Variants in MACROD2 observed in about 807,000 individuals in gnomAD.
MACROD2 encodes mono-ADP ribosylhydrolase 2.
MACROD2 carries 36 observed loss-of-function variants against 70.4 expected under a neutral mutation model. The ratio of observed to expected loss-of-function variants is 0.51; its 90% CI spans 0.39 to 0.68. MACROD2 has a LOEUF of 0.68. MACROD2 is among the 30% of genes least tolerant of loss of function. The probability of loss-of-function intolerance (pLI) is 0.00; values close to 1 mark genes in which losing one functional copy is unlikely to be tolerated. For missense variants in MACROD2, 496 were observed against 538.4 expected (o/e 0.92, Z 0.78); for synonymous variants, 172 against 178.8 (o/e 0.96, Z 0.30).
At chr20:14,874,903 C>T (rs1373113974) in intron 5 of MACROD2, among the ~76,000 whole-genome samples, 1 of 151,268 alleles carries the variant, frequency 6.6e-6, no homozygotes, top group Non-Finnish European at 1.5e-5. Context: ...CAGGGTTTCA[C>T]CATGTTGACC....
chr20:15,831,799 G>T (rs577734290), intron 8 of MACROD2, among the ~76,000 whole-genome samples: 1 of 152,272 alleles, frequency 6.6e-6, no homozygotes, highest in East Asian at 1.9e-4. Context: ...TCAGGTGCTG[G>T]ATAGCAAAGC....
intron 2 of MACROD2, chr20:14,051,689 G>A: frequency 2.9e-6 from 1 of 347,886 alleles, no homozygotes; most frequent in Non-Finnish European, 5.6e-6. Context: ...ATGGTAAAGA[G>A]AAAAAACAAA....
intron 3 of MACROD2, among the ~76,000 whole-genome samples, chr20:14,279,445 T>C (rs2082286424): frequency 9.5e-6 from 1 of 104,832 alleles, no homozygotes; most frequent in African/African-American, 2.8e-5. Flanking sequence ...CTTAAGTTGA[T>C]TTTTTTTTCT....
intron 5 of MACROD2, among the ~76,000 whole-genome samples, chr20:15,195,790 T>C (rs1328192996): frequency 6.6e-6 from 1 of 152,184 alleles, no homozygotes; most frequent in Admixed American, 6.5e-5. Context: ...CATATGTTCA[T>C]TGCATCACTA....
At chr20:15,401,214 A>T (rs775661138) in intron 6 of MACROD2, among the ~76,000 whole-genome samples, 48 of 151,846 alleles carry the variant, frequency 3.2e-4, no homozygotes, top group South Asian at 6.2e-4. Flanking sequence ...ATTTTTTTGT[A>T]TTTTTAGTGG....
chr20:14,015,399 T>C (rs1344672545), intron 2 of MACROD2, among the ~76,000 whole-genome samples: 3 of 152,046 alleles, frequency 2.0e-5, no homozygotes, highest in African/African-American at 4.8e-5. Context: ...CTTGGCAACA[T>C]AGTGAGACTT....
intron 5 of MACROD2, among the ~76,000 whole-genome samples, chr20:15,021,025 C>T (rs1430492409): frequency 1.4e-5 from 2 of 145,208 alleles, no homozygotes; most frequent in Admixed American, 1.4e-4. Flanking sequence ...TATGTATACA[C>T]ATGTGCATAT....
At chr20:15,444,677 G>A (rs1404640955) in intron 7 of MACROD2, among the ~76,000 whole-genome samples, 1 of 152,088 alleles carries the variant, frequency 6.6e-6, no homozygotes, top group Non-Finnish European at 1.5e-5. Context: ...TTCAGGCTCC[G>A]ATAGATCTAG....
At chr20:14,549,417 A>C (rs1041828832) in intron 4 of MACROD2, among the ~76,000 whole-genome samples, 1 of 152,214 alleles carries the variant, frequency 6.6e-6, no homozygotes, top group Non-Finnish European at 1.5e-5. Flanking sequence ...TGTGTTTTGT[A>C]AACTGTTCTT....
rs566615641 is a variant in MACROD2, at chr20:15,446,489, A to G, written c.571+15054A>G. The stretch of plus-strand genomic sequence containing the variant: ...CATTACTCACTAGTTAAGTAATTTT[A>G]TGGCCCTCCCCCAATAAATCTTGTA... On this transcript the variant is annotated intron_variant, in intron 7 of 17. Transcript: ENST00000684519. 7.2e-5 allele frequency among the ~76,000 whole-genome samples: 11 copies of G among 152,336 alleles called. No individual in the cohort carries two copies. In the East Asian group the frequency reaches 1.2e-3, roughly 16 times the overall value.
At chr20:16,020,058 C>T (rs2147550238) in intron 15 of MACROD2, among the ~76,000 whole-genome samples, 1 of 152,286 alleles carries the variant, frequency 6.6e-6, no homozygotes, top group East Asian at 1.9e-4. Context: ...ATTCATTCAC[C>T]TCAGCTAATC....
chr20:15,490,454 T>A (rs1200944147), intron 7 of MACROD2, among the ~76,000 whole-genome samples: 2 of 151,914 alleles, frequency 1.3e-5, no homozygotes, highest in Non-Finnish European at 2.9e-5. Context: ...AGAGATAAGA[T>A]CTCTCTATGT....
At chr20:15,484,858 C>T (rs1456385995) in intron 7 of MACROD2, among the ~76,000 whole-genome samples, 3 of 152,114 alleles carry the variant, frequency 2.0e-5, no homozygotes, top group African/African-American at 4.8e-5. Flanking sequence ...CTCCAGTACT[C>T]GTTCCTGCGG....
rs141979499 is a variant in MACROD2 at position 15,476,079 on chromosome 20, A to G, written c.572-23695A>G. The stretch of plus-strand genomic sequence containing the variant: ...TCAAGCAAAATGTTTGAGGCCAAAT[A>G]CATCTTTTATTAAGTTGTAATACAA... On this transcript the variant is annotated intron_variant, in intron 7 of 17. Coordinates refer to ENST00000684519, the MANE Select transcript of MACROD2 (RefSeq NM_001351661.2). Among the ~76,000 whole-genome samples, 566 of 152,364 alleles carry G rather than the reference A, an allele frequency of 3.7e-3. 2 individuals carry two copies. Among genetic ancestry groups the G allele is most frequent in the South Asian group, 0.019 (92 of 4,830 alleles).
intron 10 of MACROD2, among the ~76,000 whole-genome samples, chr20:15,921,690 G>A (rs568709209): frequency 7.2e-5 from 11 of 152,288 alleles, no homozygotes; most frequent in African/African-American, 1.9e-4. Flanking sequence ...CTATATTTGC[G>A]TAATTATTTG....
chr20:16,045,823 G>A (rs2067372335), intron 17 of MACROD2, among the ~76,000 whole-genome samples: 2 of 151,962 alleles, frequency 1.3e-5, no homozygotes, highest in Admixed American at 1.3e-4. Context: ...ACTGGACGGG[G>A]GCAGCGGGGA....
intron 8 of MACROD2, among the ~76,000 whole-genome samples, chr20:15,677,993 A>G (rs2050091889): frequency 1.3e-5 from 2 of 152,106 alleles, no homozygotes; most frequent in Non-Finnish European, 2.9e-5. Context: ...TGAACCCAGG[A>G]GGTGGAGGTT....
intron 8 of MACROD2, among the ~76,000 whole-genome samples, chr20:15,773,404 C>G (rs7272044): frequency 0.073 from 11,098 of 151,984 alleles, 714 homozygotes; most frequent in African/African-American, 0.17. Context: ...TCAGCTATGT[C>G]ATTTGGGGCT....
chr20:14,716,049 T>G (rs2071393680), intron 5 of MACROD2, among the ~76,000 whole-genome samples: 1 of 152,184 alleles, frequency 6.6e-6, no homozygotes, highest in Admixed American at 6.5e-5. Context: ...GAACGCTACA[T>G]ATTCATGCAA....
Sources: gnomAD v4.1 joint callset for allele counts (sites outside exome capture counted in the v4.1 genomes callset) on GRCh38, gnomAD v4.1.1 for gene constraint, MANE v1.5 for transcripts, NCBI Gene and HGNC (gene_info 2026-07-23, HGNC 2026-07-21) for gene names.